CTNNA2: variants seen among roughly 807,000 people sequenced by gnomAD.
CTNNA2 encodes the protein catenin alpha-2.
A neutral mutation model predicts 101.0 loss-of-function variants in CTNNA2; 42 were observed. The ratio of observed to expected loss-of-function variants is 0.42; its 90% confidence interval spans 0.32 to 0.54. The LOEUF (loss-of-function observed/expected upper bound fraction) is 0.54, where lower values mean the gene tolerates loss of function less well. Ranked by LOEUF, CTNNA2 falls within the 20% of genes least tolerant of loss-of-function variation. CTNNA2 has a pLI of 0.14. For missense variants in CTNNA2, 871 were observed against 1,223.1 expected, an observed-to-expected ratio of 0.71 and a Z score of 4.29; for synonymous variants, 450 against 456.4, an observed-to-expected ratio of 0.99 and a Z score of 0.18.
chr2:80,345,428 G>T (rs1672645759), intron 7 of CTNNA2, among the ~76,000 whole-genome samples: 2 of 152,006 alleles, frequency 1.3e-5, no homozygotes, highest in African/African-American at 4.8e-5. Context: ...GACCTTCCTT[G>T]TCTGTACTGT....
At chr2:80,506,733 A>G (rs112278060) in intron 9 of CTNNA2, among the ~76,000 whole-genome samples, 2 of 152,302 alleles carry the variant, frequency 1.3e-5, no homozygotes, top group African/African-American at 4.8e-5. Flanking sequence ...CAGGCTAGCA[A>G]TGAGGAAGTC....
intron 7 of CTNNA2, among the ~76,000 whole-genome samples, chr2:80,338,288 CT>C (rs535467533): frequency 0.012 from 1,719 of 138,446 alleles, 14 homozygotes; most frequent in Middle Eastern, 0.019. Context: ...TGCACCTGGC[CT>C]TTTTTTCTTT....
At chr2:79,555,509 G>A (rs193174527) in intron 1 of CTNNA2, among the ~76,000 whole-genome samples, 200 of 152,188 alleles carry the variant, frequency 1.3e-3, no homozygotes, top group Non-Finnish European at 2.2e-3. Context: ...AATTTCCTGT[G>A]TTTTAACATT....
intron 3 of CTNNA2, among the ~76,000 whole-genome samples, chr2:79,367,413 A>G (rs1305243473): frequency 6.6e-6 from 1 of 152,222 alleles, no homozygotes; most frequent in Non-Finnish European, 1.5e-5. Flanking sequence ...TGGCAGGGAA[A>G]TTGAAAGTGC....
intron 4 of CTNNA2, among the ~76,000 whole-genome samples, chr2:79,474,817 C>A (rs449529): frequency 0.32 from 48,251 of 151,886 alleles, 7,785 homozygotes; most frequent in South Asian, 0.44. Flanking sequence ...ATTCATTTTC[C>A]CACTGGTCTT....
At chr2:80,631,780 G>A (rs183774565) in intron 18 of CTNNA2, among the ~76,000 whole-genome samples, 9 of 152,166 alleles carry the variant, frequency 5.9e-5, no homozygotes, top group Middle Eastern at 3.4e-3. Context: ...CAGGTCATGC[G>A]CTTGAATCCC....
At chr2:79,428,334 G>A (rs1678613968) in intron 4 of CTNNA2, among the ~76,000 whole-genome samples, 2 of 152,000 alleles carry the variant, frequency 1.3e-5, no homozygotes, top group Admixed American at 1.3e-4. Flanking sequence ...GTGACTTTCT[G>A]CTATATGCTC....
rs192205541 is a variant in CTNNA2, at chr2:79,708,167, G to A, written c.103-36220G>A. Among the ~76,000 whole-genome samples the A allele has an allele frequency of 2.6e-3, 392 of 152,208 alleles. 2 individuals are homozygous for A. Among genetic ancestry groups the A allele is most frequent in the African/African-American group, 9.1e-3 (376 of 41,536 alleles). On this transcript the variant is annotated intron_variant, in intron 2 of 18. Coordinates refer to ENST00000402739, the MANE Select transcript of CTNNA2 (RefSeq NM_001282597.3). ...TACATTATGCCATTTGATTTCTCACGGCGTGCTTATACAGTGTACTATGCT... is the reference window on the plus strand; with the variant it reads ...TACATTATGCCATTTGATTTCTCACAGCGTGCTTATACAGTGTACTATGCT...
chr2:80,058,441 A>G (rs747021496), intron 7 of CTNNA2, among the ~76,000 whole-genome samples: 5 of 152,144 alleles, frequency 3.3e-5, no homozygotes, highest in Non-Finnish European at 7.3e-5. Flanking sequence ...ACGTTCTGCT[A>G]TATTGTTTTG....
intron 15 of CTNNA2, among the ~76,000 whole-genome samples, chr2:80,590,758 A>G (rs967758836): frequency 2.6e-5 from 4 of 152,092 alleles, no homozygotes; most frequent in Non-Finnish European, 5.9e-5. Context: ...GAGCCCTTTG[A>G]GACTTTTAAA....
intron 9 of CTNNA2, among the ~76,000 whole-genome samples, chr2:80,510,143 G>T (rs753248048): frequency 2.0e-5 from 3 of 152,160 alleles, no homozygotes; most frequent in Non-Finnish European, 4.4e-5. Flanking sequence ...GTATCTCCCT[G>T]TTAACTTTCA....
At chr2:79,890,909 G>A (rs540796464) in intron 6 of CTNNA2, among the ~76,000 whole-genome samples, 1 of 143,586 alleles carries the variant, frequency 7.0e-6, no homozygotes, top group Non-Finnish European at 1.5e-5. Context: ...GGTGGAAGGG[G>A]CAGGGAGCCC....
At chr2:79,352,054 G>T (rs1270465119) in intron 3 of CTNNA2, among the ~76,000 whole-genome samples, 4 of 152,126 alleles carry the variant, frequency 2.6e-5, no homozygotes, top group Non-Finnish European at 4.4e-5. Flanking sequence ...GCATATAACT[G>T]TTCCCTTTAC....
At chr2:80,250,181 GGGAGAGA>G (rs1671645131) in intron 7 of CTNNA2, among the ~76,000 whole-genome samples, 1 of 113,096 alleles carries the variant, frequency 8.8e-6, no homozygotes, top group South Asian at 3.3e-4. Flanking sequence ...CATGGATGGG[GGGAGAGA>G]GAGAGAGAGA....
At chr2:79,300,243 G>A (rs1255788937) in intron 2 of CTNNA2, among the ~76,000 whole-genome samples, 1 of 152,096 alleles carries the variant, frequency 6.6e-6, no homozygotes, top group African/African-American at 2.4e-5. Context: ...CCATAGTTTT[G>A]CCTTTTCCAG....
At chr2:80,526,292 C>T (rs1000829565) in intron 9 of CTNNA2, among the ~76,000 whole-genome samples, 14 of 152,212 alleles carry the variant, frequency 9.2e-5, no homozygotes, top group Admixed American at 1.3e-4. Flanking sequence ...CTCCGCCTCC[C>T]GGGTTCAAGG....
intron 7 of CTNNA2, among the ~76,000 whole-genome samples, chr2:80,230,167 C>A (rs1489570973): frequency 1.3e-5 from 2 of 151,874 alleles, no homozygotes; most frequent in East Asian, 1.9e-4. Flanking sequence ...AACAAAATAA[C>A]CTAACAACAG....
At chr2:80,619,269 A>G in intron 18 of CTNNA2, 41 bp downstream of exon 18, 1 of 1,460,266 alleles carries the variant, frequency 6.8e-7, no homozygotes, top group Non-Finnish European at 9.1e-7. Flanking sequence ...TTTCATTGTA[A>G]TCATGAATTC....
intron 7 of CTNNA2, among the ~76,000 whole-genome samples, chr2:80,210,947 T>G (rs756144381): frequency 6.6e-6 from 1 of 152,238 alleles, no homozygotes; most frequent in African/African-American, 2.4e-5. Context: ...GGTTTTGATT[T>G]GCATTTCTCT....
Sources: allele counts gnomAD v4.1 joint callset (sites outside exome capture counted in the v4.1 genomes callset), GRCh38; gene constraint gnomAD v4.1.1; transcripts MANE v1.5; gene names NCBI Gene and HGNC (gene_info 2026-07-23, HGNC 2026-07-21).